RYR2: variants seen among roughly 807,000 people sequenced by gnomAD.
RYR2 encodes ryanodine receptor 2.
Under a neutral mutation model 601.1 loss-of-function variants are expected in RYR2, and 227 were observed. The observed-to-expected ratio is 0.38, with a 90% CI of 0.34 to 0.42. The LOEUF is 0.42. RYR2 is among the 10% of genes least tolerant of loss of function. The probability of loss-of-function intolerance (pLI) is 1.00; values close to 1 mark genes in which losing one functional copy is unlikely to be tolerated. For synonymous variants in RYR2, 2,223 were observed against 2,175.1 expected, an observed-to-expected ratio of 1.02 and a Z score of -0.61; for missense variants, 4,646 against 6,156.5, an observed-to-expected ratio of 0.75 and a Z score of 8.21.
chr1:237,811,496 A>G (rs1025046672), intron 100 of RYR2, among the ~76,000 whole-genome samples: 2 of 152,204 alleles, frequency 1.3e-5, no homozygotes, highest in African/African-American at 4.8e-5. Context: ...TTAGCTTTTC[A>G]ATATTAAGCA....
At chr1:237,152,480 A>T (rs564896483) in intron 1 of RYR2, among the ~76,000 whole-genome samples, 13 of 152,288 alleles carry the variant, frequency 8.5e-5, no homozygotes, top group Non-Finnish European at 1.5e-4. Flanking sequence ...ACAGTGTAAA[A>T]GTGCTCTTAT....
At chr1:237,536,513 G>C (rs1441610075) in intron 25 of RYR2, among the ~76,000 whole-genome samples, 1 of 152,106 alleles carries the variant, frequency 6.6e-6, no homozygotes, top group East Asian at 1.9e-4. Context: ...AGGAGATCGA[G>C]ACCATCCTGG....
In RYR2 at chr1:237,471,391, C is replaced by A. The variant is rs529962303; in HGVS notation, c.1708+2204C>A. ...GGACTCCTGTACCCTCACTATCTGC[C>A]TAAATAATTTCTCCTTAACTCCTGT... On this transcript the variant is annotated intron_variant, in intron 17 of 104. Coordinates refer to ENST00000366574, the MANE Select transcript of RYR2 (RefSeq NM_001035.3). Among the ~76,000 whole-genome samples the A allele has an allele frequency of 2.6e-5, 4 of 152,300 alleles. No individual in the cohort carries two copies. The South Asian group carries it at 8.3e-4, about 32-fold the overall frequency.
intron 57 of RYR2, 78 bp downstream of exon 57, chr1:237,666,667 T>C: frequency 8.8e-7 from 1 of 1,132,868 alleles, no homozygotes; most frequent in East Asian, 2.6e-5. Flanking sequence ...CCTGCATATA[T>C]TTGGCAGCAT....
At chr1:237,528,038 A>T (rs536578553) in intron 24 of RYR2, among the ~76,000 whole-genome samples, 1 of 152,242 alleles carries the variant, frequency 6.6e-6, no homozygotes, top group South Asian at 2.1e-4. Context: ...TTGTCATGAC[A>T]CTGTAGTGCT....
intron 101 of RYR2, among the ~76,000 whole-genome samples, chr1:237,826,397 C>G (rs917665354): frequency 1.3e-5 from 2 of 152,154 alleles, no homozygotes; most frequent in Non-Finnish European, 2.9e-5. Context: ...CCATCATTCT[C>G]AGCAAACTAA....
intron 2 of RYR2, among the ~76,000 whole-genome samples, chr1:237,302,656 T>C (rs1693477377): frequency 6.6e-6 from 1 of 152,188 alleles, no homozygotes; most frequent in Admixed American, 6.5e-5. Context: ...ATTGTTAGGC[T>C]AAGAGAATAG....
Position 237,063,512 on chromosome 1 carries a change from GTC to G in RYR2, c.48+20945_48+20946del, listed in dbSNP as rs371111261. On this transcript the variant is annotated intron_variant, in intron 1 of 104. Coordinates refer to ENST00000366574, the MANE Select transcript of RYR2 (RefSeq NM_001035.3). ...CTTTTATATTTTTCTGGAAATGCGA[GTC>G]TGTTTATATAATACTTTAAATTTAT... Among the ~76,000 whole-genome samples the G allele has an allele frequency of 2.4e-4, 36 of 152,076 alleles. No individual in the cohort carries two copies. The East Asian group carries it at 6.6e-3, about 28-fold the overall frequency.
rs1263195980 is a variant in RYR2, at chr1:237,819,412, T to G, written c.14590+220T>G. ...AAGATACAGTGTTATTTTGTCTTCTTTCAAATAACATAATGGAAAAGGCAC... is the reference window on the plus strand; with the variant it reads ...AAGATACAGTGTTATTTTGTCTTCTGTCAAATAACATAATGGAAAAGGCAC... On this transcript the variant is annotated intron_variant, in intron 101 of 104. Transcript: ENST00000366574. The surrounding 1 kb of genome is among the most constrained non-coding windows in gnomAD (Gnocchi z 4.0). Among the ~76,000 whole-genome samples, 5 of 152,220 alleles carry G rather than the reference T, an allele frequency of 3.3e-5. No individual in the cohort carries two copies. The highest frequency in any genetic ancestry group is 3.3e-4 in the Admixed American group (5 of 15,284).
intron 12 of RYR2, among the ~76,000 whole-genome samples, chr1:237,440,095 G>C (rs1399992295): frequency 6.6e-6 from 1 of 152,016 alleles, no homozygotes; most frequent in Non-Finnish European, 1.5e-5. Flanking sequence ...TTGACATTTT[G>C]TGTTAAAAAT....
chr1:237,682,718 T>G (rs1409956640), intron 62 of RYR2, among the ~76,000 whole-genome samples: 2 of 152,222 alleles, frequency 1.3e-5, no homozygotes, highest in Non-Finnish European at 2.9e-5. Flanking sequence ...CATGACTGTA[T>G]TTCATCTTCA....
chr1:237,248,957 G>A (rs1687186487), intron 1 of RYR2, among the ~76,000 whole-genome samples: 1 of 152,030 alleles, frequency 6.6e-6, no homozygotes, highest in Non-Finnish European at 1.5e-5. Flanking sequence ...TAGAGACGGG[G>A]TTTCTCCATG....
chr1:237,524,942 C>G (rs1667426302), intron 24 of RYR2, among the ~76,000 whole-genome samples: 1 of 151,996 alleles, frequency 6.6e-6, no homozygotes, highest in Admixed American at 6.6e-5. Flanking sequence ...ATTTTAGAAT[C>G]AGAGGGTACA....
At chr1:237,377,649 C>G (rs1336003893) in intron 8 of RYR2, among the ~76,000 whole-genome samples, 2 of 152,142 alleles carry the variant, frequency 1.3e-5, no homozygotes, top group Non-Finnish European at 2.9e-5. Flanking sequence ...GGCAGGCTTC[C>G]CTCATAACCT....
chr1:237,803,478 T>G (rs1187963153), intron 98 of RYR2, among the ~76,000 whole-genome samples: 1 of 152,068 alleles, frequency 6.6e-6, no homozygotes, highest in Non-Finnish European at 1.5e-5. Flanking sequence ...TTTTTTGTAC[T>G]TTTAGTAGAG....
intron 1 of RYR2, among the ~76,000 whole-genome samples, chr1:237,099,533 C>T (rs566717929): frequency 7.6e-4 from 116 of 152,286 alleles, no homozygotes; most frequent in African/African-American, 2.7e-3. Context: ...CCACTGTACC[C>T]AGCCTCTCAA....
chr1:237,769,494 AG>A (rs1694101075), intron 84 of RYR2, among the ~76,000 whole-genome samples: 1 of 152,192 alleles, frequency 6.6e-6, no homozygotes, highest in Non-Finnish European at 1.5e-5. Context: ...GTGGGCTAAC[AG>A]GGAAATGAGT....
chr1:237,832,599 C>T lies in RYR2; in HGVS notation c.14856C>T (p.Phe4952=). Residue 4952 remains phenylalanine (F), a synonymous_variant, in exon 105 of 105, where the codon TTC becomes TTT. Transcript: ENST00000366574. The part of the protein sequence containing the change: ...KMYQERCWEF[F]PAGDCFRKQY... Reference sequence around the variant, plus strand: ...ATCAAGAAAGGTGTTGGGAATTTTTCCCAGCAGGGGATTGCTTCCGGAAAC... The same window carrying T: ...ATCAAGAAAGGTGTTGGGAATTTTTTCCAGCAGGGGATTGCTTCCGGAAAC... 6.2e-7 allele frequency: 1 copy of T among 1,612,692 alleles called. No individual in the cohort carries two copies. The highest frequency in any genetic ancestry group is 8.5e-7 in the Non-Finnish European group (1 of 1,179,048).
Position 237,377,351 on chromosome 1 carries a change from T to C in RYR2, c.492T>C (p.Pro164=). Residue 164 remains proline, a synonymous_variant, in exon 8 of 105, where the codon CCT becomes CCC. Transcript: ENST00000366574. ...TGEACWWTIH[P]ASKQRSEGEK... ...AGGCTTGTTGGTGGACCATACACCC[T>C]GCCTCTAAGCAGCGATCAGAAGGAG... The C allele has an allele frequency of 6.2e-7, 1 of 1,613,264 alleles. No individual in the cohort carries two copies. The highest frequency in any genetic ancestry group is 2.2e-5 in the East Asian group (1 of 44,850).
Sources: gnomAD v4.1 joint callset for allele counts (sites outside exome capture counted in the v4.1 genomes callset) on GRCh38, gnomAD v4.1.1 for gene constraint, Gnocchi (gnomAD v3.1) non-coding constraint, MANE v1.5 for transcripts, NCBI Gene and HGNC (gene_info 2026-07-23, HGNC 2026-07-21) for gene names.